The following APBB2 variants were observed in gnomAD, a reference collection of about 807,000 sequenced individuals.
The protein encoded by APBB2 is amyloid beta precursor protein binding family B member 2.
A neutral mutation model predicts 82.5 loss-of-function variants in APBB2; 38 were observed. That is an observed-to-expected ratio of 0.46 (90% CI 0.36 to 0.60). APBB2 has a LOEUF of 0.60. Ranked by LOEUF, APBB2 falls within the 20% of genes least tolerant of loss-of-function variation. The pLI, the probability that APBB2 is intolerant of heterozygous loss-of-function variation, is 0.00. For synonymous variants in APBB2, 341 were observed against 368.2 expected (o/e 0.93, Z 0.85); for missense variants, 772 against 972.3 (o/e 0.79, Z 2.74).
intron 6 of APBB2, among the ~76,000 whole-genome samples, chr4:40,980,491 A>T (rs1047169864): frequency 2.0e-5 from 3 of 152,228 alleles, no homozygotes; most frequent in Non-Finnish European, 4.4e-5. Flanking sequence ...AAAAGGAAGA[A>T]TGCCCACACA....
intron 1 of APBB2, among the ~76,000 whole-genome samples, chr4:41,201,634 T>C (rs909141608): frequency 1.3e-5 from 2 of 152,064 alleles, no homozygotes; most frequent in African/African-American, 4.8e-5. Context: ...CCTATATCCG[T>C]CTATCCCAGA....
At chr4:40,983,583 T>C (rs986701097) in intron 6 of APBB2, among the ~76,000 whole-genome samples, 3 of 358 alleles carry the variant, frequency 8.4e-3, no homozygotes, top group Admixed American at 0.015. Flanking sequence ...AATTATGACT[T>C]TTTTTTTTTT....
At chr4:41,040,469 ACTGATCAC>A (rs1481365623) in intron 4 of APBB2, among the ~76,000 whole-genome samples, 4 of 152,194 alleles carry the variant, frequency 2.6e-5, no homozygotes, top group African/African-American at 9.7e-5. Flanking sequence ...GGATTATCTA[ACTGATCAC>A]CTCCAGCAAC....
rs570169017 is a variant in APBB2, at chr4:41,115,807, A to T, written c.-260-15057T>A. ...TTAGAATGGCGATCATTAAAAAGTT[A>T]GGAAACAACAGATACTAGAGAGGAT... On this transcript the variant is annotated intron_variant, in intron 2 of 17. Coordinates refer to ENST00000508593, the MANE Select transcript of APBB2 (RefSeq NM_004307.2). 5.9e-5 allele frequency among the ~76,000 whole-genome samples: 9 copies of T among 152,360 alleles called. No homozygotes were observed. In the East Asian group the frequency reaches 1.7e-3, roughly 29 times the overall value.
chr4:41,023,667 T>C (rs1712693166), intron 5 of APBB2, among the ~76,000 whole-genome samples: 1 of 152,090 alleles, frequency 6.6e-6, no homozygotes, highest in African/African-American at 2.4e-5. Context: ...AAAACACTGT[T>C]CAAAGAAATC....
At chr4:41,047,719 ACT>A (rs1723958684) in intron 4 of APBB2, among the ~76,000 whole-genome samples, 2 of 152,196 alleles carry the variant, frequency 1.3e-5, no homozygotes, top group African/African-American at 2.4e-5. Context: ...ATTCTACTCC[ACT>A]GTCTCTTCCA....
intron 10 of APBB2, among the ~76,000 whole-genome samples, chr4:40,925,226 G>A (rs1006871344): frequency 2.0e-5 from 3 of 152,194 alleles, no homozygotes; most frequent in African/African-American, 7.2e-5. Context: ...CCTTCTGGTA[G>A]TAGGAACAGT....
intron 12 of APBB2, among the ~76,000 whole-genome samples, chr4:40,839,006 A>T (rs1313086225): frequency 4.6e-5 from 7 of 152,178 alleles, no homozygotes; most frequent in Non-Finnish European, 7.3e-5. Flanking sequence ...TTAATAAATC[A>T]GCCTGTTCTG....
intron 2 of APBB2, among the ~76,000 whole-genome samples, chr4:41,104,766 C>T (rs1746595145): frequency 6.6e-6 from 1 of 152,158 alleles, no homozygotes; most frequent in Admixed American, 6.5e-5. Context: ...GTTTTCTGTT[C>T]CTGTACTAAT....
intron 2 of APBB2, among the ~76,000 whole-genome samples, chr4:41,123,123 C>A (rs1466469017): frequency 6.6e-6 from 1 of 152,014 alleles, no homozygotes; most frequent in Non-Finnish European, 1.5e-5. Flanking sequence ...TCTCTCTCCC[C>A]CTTTGTCTTT....
rs1457861439 is a variant in APBB2, at chr4:40,813,546, A to G, written c.*2546T>C. 11 of 152,348 alleles carry G rather than the reference A, an allele frequency of 7.2e-5. No individual in the cohort carries two copies. The East Asian group carries it at 1.3e-3, about 19-fold the overall frequency. The allele number at this position is 152,348 out of a possible 1,614,324, so 9.4% of individuals were successfully genotyped here. A position where few individuals can be genotyped will look rare whatever the true frequency, so the allele number is the denominator to read the frequency against. On this transcript the variant is annotated 3_prime_UTR_variant, in exon 18 of 18. Coordinates refer to ENST00000508593, the MANE Select transcript of APBB2 (RefSeq NM_004307.2). ...TGAACATACTCTTTAACATAATTTT[A>G]CAAAATTAATTTGCATTTACTATAC...
chr4:40,993,361 CTT>C (rs34787320), intron 6 of APBB2, among the ~76,000 whole-genome samples: 38 of 114,586 alleles, frequency 3.3e-4, no homozygotes, highest in African/African-American at 8.4e-4. Context: ...ACTCTTCTCT[CTT>C]TTTTTTTTTT....
intron 6 of APBB2, among the ~76,000 whole-genome samples, chr4:40,986,082 C>CA (rs1560459473): frequency 6.6e-6 from 1 of 152,130 alleles, no homozygotes; most frequent in African/African-American, 2.4e-5. Flanking sequence ...AATACCTGAC[C>CA]ACACAAGAAA....
chr4:40,990,710 T>A (rs1026368501), intron 6 of APBB2, among the ~76,000 whole-genome samples: 1 of 152,200 alleles, frequency 6.6e-6, no homozygotes, highest in Non-Finnish European at 1.5e-5. Flanking sequence ...AGTGTGTCCA[T>A]ATGAGCAAAG....
chr4:41,141,562 A>G (rs1759209641), intron 2 of APBB2, among the ~76,000 whole-genome samples: 1 of 152,230 alleles, frequency 6.6e-6, no homozygotes, highest in African/African-American at 2.4e-5. Context: ...AACTTCTTCA[A>G]TAGTTGCAAT....
intron 1 of APBB2, among the ~76,000 whole-genome samples, chr4:41,153,225 C>T (rs895865470): frequency 1.6e-4 from 25 of 152,038 alleles, no homozygotes; most frequent in Middle Eastern, 3.2e-3. Flanking sequence ...GGTTGAACTA[C>T]TTGAAGTGAG....
intron 1 of APBB2, among the ~76,000 whole-genome samples, chr4:41,200,119 A>G (rs546105123): frequency 1.3e-5 from 2 of 152,356 alleles, no homozygotes; most frequent in South Asian, 4.1e-4. Context: ...AGCATCACCT[A>G]CATGGTGAAA....
rs576194663 is a variant in APBB2, at chr4:41,157,719, A to G, written c.-416-14577T>C. 2.2e-4 allele frequency among the ~76,000 whole-genome samples: 33 copies of G among 152,324 alleles called. No individual in the cohort carries two copies. In the East Asian group the frequency reaches 6.0e-3, roughly 28 times the overall value. On this transcript the variant is annotated intron_variant, in intron 1 of 17. Transcript: ENST00000508593. ...TGAGAGCTACGACTCCAGGCCGCGC[A>G]GTGGCTCACACCTGTAATCCCAGCA...
chr4:40,888,739 G>A (rs561965078), intron 12 of APBB2, among the ~76,000 whole-genome samples: 45 of 151,436 alleles, frequency 3.0e-4, no homozygotes, highest in African/African-American at 9.0e-4. Flanking sequence ...TTTGGCTCCT[G>A]CCTCGCACAC....
Sources: gnomAD v4.1 joint callset for allele counts (sites outside exome capture counted in the v4.1 genomes callset) on GRCh38, gnomAD v4.1.1 for gene constraint, MANE v1.5 for transcripts, NCBI Gene and HGNC (gene_info 2026-07-23, HGNC 2026-07-21) for gene names.